Variants in KLHL20 observed in about 807,000 individuals in gnomAD.
The protein encoded by KLHL20 is kelch like family member 20.
A neutral mutation model predicts 69.5 loss-of-function variants in KLHL20; 29 were observed. The ratio of observed to expected loss-of-function variants is 0.42; its 90% CI spans 0.31 to 0.57. KLHL20 has a LOEUF of 0.57. Ranked by LOEUF, KLHL20 falls within the 20% of genes least tolerant of loss-of-function variation. The pLI, the probability that KLHL20 is intolerant of heterozygous loss-of-function variation, is 0.18. For missense variants in KLHL20, 419 were observed against 776.0 expected (o/e 0.54, Z 5.47); for synonymous variants, 253 against 265.2 (o/e 0.95, Z 0.45).
chr1:173,772,590 T>C (rs1223641023), intron 8 of KLHL20, among the ~76,000 whole-genome samples: 1 of 152,204 alleles, frequency 6.6e-6, no homozygotes, highest in Non-Finnish European at 1.5e-5. Context: ...ATTATATTGA[T>C]TAACCAAACC....
At chr1:173,757,914 T>C (rs1054803020) in intron 7 of KLHL20, among the ~76,000 whole-genome samples, 3 of 152,214 alleles carry the variant, frequency 2.0e-5, no homozygotes, top group African/African-American at 7.2e-5. Context: ...AACTGATGTT[T>C]CAATAGCTTC....
intron 9 of KLHL20, among the ~76,000 whole-genome samples, chr1:173,774,849 C>A (rs920245849): frequency 3.3e-5 from 5 of 152,168 alleles, no homozygotes; most frequent in African/African-American, 7.2e-5. Flanking sequence ...CTCGCTCTGT[C>A]ACCCAGGCTG....
At chr1:173,756,197 T>C (rs952278388) in intron 6 of KLHL20, among the ~76,000 whole-genome samples, 159 bp downstream of exon 6, 6 of 152,244 alleles carry the variant, frequency 3.9e-5, no homozygotes, top group African/African-American at 1.4e-4. Flanking sequence ...CACACTGATA[T>C]ACTCCAAAAG....
chr1:173,726,356 C>G (rs926573997), intron 2 of KLHL20, among the ~76,000 whole-genome samples: 1 of 152,006 alleles, frequency 6.6e-6, no homozygotes, highest in Non-Finnish European at 1.5e-5. Flanking sequence ...CAGCAGAAAC[C>G]TCTGCACACT....
chr1:173,743,464 T>C (rs1299204893), intron 3 of KLHL20, among the ~76,000 whole-genome samples: 1 of 152,028 alleles, frequency 6.6e-6, no homozygotes, highest in Non-Finnish European at 1.5e-5. Flanking sequence ...ACTCCTTTTA[T>C]ATTCCTTTAC....
At position 173,753,200 on chromosome 1, in the gene KLHL20, TA is replaced by T. The variant is rs759564302; in HGVS notation, c.757-12del. On this transcript the variant is annotated splice_polypyrimidine_tract_variant and intron_variant, in intron 4 of 11. Transcript: ENST00000209884. Reference sequence around the variant, plus strand: ...ATTAATTAATTAAAATAATGGTGTTTATTTTCTCATAGGTGCTGCAGCATGT... The same window carrying T: ...ATTAATTAATTAAAATAATGGTGTTTTTTTCTCATAGGTGCTGCAGCATGT... 4 of 1,606,642 alleles carry T rather than the reference TA, an allele frequency of 2.5e-6. No homozygotes were observed. In the East Asian group the frequency reaches 8.9e-5, roughly 36 times the overall value.
chr1:173,774,918 C>T (rs1648358875), intron 9 of KLHL20, among the ~76,000 whole-genome samples: 1 of 152,164 alleles, frequency 6.6e-6, no homozygotes, highest in South Asian at 2.1e-4. Context: ...TCAAGCAATC[C>T]TCCCACCTCA....
chr1:173,731,540 A>G (rs2102468538), intron 2 of KLHL20, among the ~76,000 whole-genome samples: 1 of 152,344 alleles, frequency 6.6e-6, no homozygotes, highest in South Asian at 2.1e-4. Flanking sequence ...TGCAGCCATA[A>G]AAAATGATGA....
intron 2 of KLHL20, among the ~76,000 whole-genome samples, chr1:173,725,804 C>G (rs891374869): frequency 1.3e-5 from 2 of 152,228 alleles, no homozygotes; most frequent in African/African-American, 2.4e-5. Context: ...CTCCAGTCTA[C>G]AGCTTCCAGC....
intron 5 of KLHL20, among the ~76,000 whole-genome samples, chr1:173,753,976 A>G (rs534025925): frequency 2.6e-4 from 40 of 152,168 alleles, no homozygotes; most frequent in Non-Finnish European, 4.4e-4. Flanking sequence ...ATTGTTAACC[A>G]TTTTTCCCCA....
chr1:173,758,286 G>T (rs1673644525), intron 7 of KLHL20, among the ~76,000 whole-genome samples: 1 of 151,398 alleles, frequency 6.6e-6, no homozygotes, highest in Non-Finnish European at 1.5e-5. Context: ...AAAAGAAAAA[G>T]AAAACAACAC....
At chr1:173,763,866 TAAAAA>T (rs60028962) in intron 7 of KLHL20, among the ~76,000 whole-genome samples, 5 of 119,548 alleles carry the variant, frequency 4.2e-5, no homozygotes, top group South Asian at 2.7e-4. Context: ...GCAAATGCAA[TAAAAA>T]AAAAAAAAAA....
At chr1:173,729,638 A>G (rs1672158494) in intron 2 of KLHL20, among the ~76,000 whole-genome samples, 1 of 152,208 alleles carries the variant, frequency 6.6e-6, no homozygotes. Context: ...GATTATCTCA[A>G]TAGATGCAGA....
chr1:173,783,675 C>T (rs1305203085), intron 11 of KLHL20, among the ~76,000 whole-genome samples: 3 of 152,082 alleles, frequency 2.0e-5, no homozygotes, highest in Admixed American at 2.0e-4. Context: ...CGAGACCAGC[C>T]TGGCCAACAT....
chr1:173,751,630 T>G (rs1673318576), intron 3 of KLHL20, 134 bp from the exon 4 acceptor site: 3 of 674,098 alleles, frequency 4.5e-6, no homozygotes, highest in South Asian at 5.7e-5. Flanking sequence ...TTTCAAATTT[T>G]TCCTTTCCTC....
chr1:173,728,874 G>A (rs1267534959), intron 2 of KLHL20, among the ~76,000 whole-genome samples: 3 of 152,130 alleles, frequency 2.0e-5, no homozygotes, highest in East Asian at 1.9e-4. Context: ...AAATAACTAA[G>A]ATCAGAGCAG....
chr1:173,771,245 C>T (rs1648071340), intron 8 of KLHL20, among the ~76,000 whole-genome samples: 2 of 152,108 alleles, frequency 1.3e-5, no homozygotes, highest in South Asian at 4.1e-4. Context: ...ACTAGAAAGA[C>T]ATTGACAGAA....
intron 2 of KLHL20, among the ~76,000 whole-genome samples, chr1:173,729,943 A>G (rs1167044090): frequency 4.6e-5 from 7 of 152,228 alleles, no homozygotes; most frequent in Admixed American, 2.0e-4. Flanking sequence ...CTGTTTGCAC[A>G]TGACATGATT....
At position 173,786,509 on chromosome 1, in the gene KLHL20, ACCT is replaced by A. The variant is rs1649208837; in HGVS notation, c.*1266_*1268del. ...AGACTAACTGCATTTAAAAGGAATA[ACCT>A]CCTTCTCCCTTTCCCCAACTACAAA... On this transcript the variant is annotated 3_prime_UTR_variant, in exon 12 of 12. Coordinates refer to ENST00000209884, the MANE Select transcript of KLHL20 (RefSeq NM_014458.4). The A allele has an allele frequency of 6.6e-6, 1 of 152,490 alleles. No individual in the cohort carries two copies. The highest frequency in any genetic ancestry group is 2.4e-5 in the African/African-American group (1 of 41,416). The allele number at this position is 152,490 out of a possible 1,614,324, so 9.4% of individuals were successfully genotyped here. A position where few individuals can be genotyped will look rare whatever the true frequency, so the allele number is the denominator to read the frequency against.
Sources: allele counts gnomAD v4.1 joint callset (sites outside exome capture counted in the v4.1 genomes callset), GRCh38; gene constraint gnomAD v4.1.1; transcripts MANE v1.5; gene names NCBI Gene and HGNC (gene_info 2026-07-23, HGNC 2026-07-21).